The following SLC66A1 variants were observed in gnomAD, a reference collection of about 807,000 sequenced individuals.
SLC66A1 encodes the protein solute carrier family 66 member 1, also known as lysosomal amino acid transporter 1 homolog.
A neutral mutation model predicts 33.0 loss-of-function variants in SLC66A1; 23 were observed. The ratio of observed to expected loss-of-function variants is 0.70; its 90% CI spans 0.50 to 0.99. The LOEUF is 0.99. SLC66A1 is among the 50% of genes least tolerant of loss of function. SLC66A1 has a pLI of 0.00. For missense variants in SLC66A1, 335 were observed against 383.6 expected (o/e 0.87, Z 1.06); for synonymous variants, 164 against 175.5 (o/e 0.93, Z 0.52).
intron 2 of SLC66A1, among the ~76,000 whole-genome samples, chr1:19,318,435 G>A (rs902172523): frequency 6.6e-6 from 1 of 152,184 alleles, no homozygotes; most frequent in Non-Finnish European, 1.5e-5. Flanking sequence ...CTGAGCCTCA[G>A]TTTCCTTGCT....
intron 7 of SLC66A1, 178 bp downstream of exon 7, chr1:19,327,590 G>T (rs576907796): frequency 2.6e-6 from 2 of 777,274 alleles, no homozygotes; most frequent in Non-Finnish European, 4.3e-6. Context: ...CCTCCTGTGT[G>T]CCAGGCACCC....
At chr1:19,316,353 T>TTGTTTGTG (rs2093805566) in intron 1 of SLC66A1, among the ~76,000 whole-genome samples, 1 of 144,818 alleles carries the variant, frequency 6.9e-6, no homozygotes. Context: ...TCTTTATGGT[T>TTGTTTGTG]TGTGTGTGTG....
In SLC66A1 at chr1:19,318,481, T is replaced by C. The variant is rs117210352; in HGVS notation, c.164+640T>C. 3.3e-4 allele frequency among the ~76,000 whole-genome samples: 51 copies of C among 152,322 alleles called. No homozygotes were observed. In the East Asian group the frequency reaches 7.9e-3, roughly 24 times the overall value. The stretch of plus-strand genomic sequence containing the variant: ...AAATATTGTTACCTAACTAGATGGT[T>C]GCTGTGAGGATGGCATGAGGGTGTG... On this transcript the variant is annotated intron_variant, in intron 2 of 7. Transcript: ENST00000375153.
chr1:19,325,575 C>T lies in SLC66A1; in HGVS notation c.375C>T (p.Pro125=). The T allele has an allele frequency of 6.3e-7, 1 of 1,596,706 alleles. No individual in the cohort carries two copies. The highest frequency in any genetic ancestry group is 2.2e-5 in the East Asian group (1 of 44,770). The change falls in exon 4 of 8, where the codon CCC becomes CCT. Residue 125 remains proline (P), a synonymous_variant. Transcript: ENST00000375153. ...LYFYYKFRTR[P]SLLSAPINSV... is the part of the protein sequence containing the mutation. ...TTTACTACAAGTTCAGGACGCGCCC[C>T]TCTCTGTGTGAGTATGGGGACCGCT...
intron 1 of SLC66A1, 184 bp downstream of exon 1, chr1:19,313,073 G>A (rs1419963984): frequency 2.7e-6 from 1 of 374,206 alleles, no homozygotes; most frequent in African/African-American, 2.2e-5. Context: ...CCAGTGCCAG[G>A]CACCCTTGTA....
At chr1:19,330,535 G>C (rs2093889506), downstream of SLC66A1, among the ~76,000 whole-genome samples, 1 of 152,220 alleles carries the variant, frequency 6.6e-6, no homozygotes. Flanking sequence ...GAAATGAGCA[G>C]ATGAGACCAG....
intron 2 of SLC66A1, among the ~76,000 whole-genome samples, chr1:19,323,667 A>G (rs1558150426): frequency 1.3e-5 from 2 of 151,286 alleles, no homozygotes; most frequent in Non-Finnish European, 3.0e-5. Flanking sequence ...TCAACCTCCC[A>G]AAGTGTTGGG....
intron 1 of SLC66A1, among the ~76,000 whole-genome samples, chr1:19,315,836 G>A (rs1447668227): frequency 6.6e-6 from 1 of 151,888 alleles, no homozygotes. Context: ...AGGGGTGTAG[G>A]TCTGAGTCTT....
downstream of SLC66A1, among the ~76,000 whole-genome samples, chr1:19,331,022 T>A (rs1290869001): frequency 6.6e-6 from 1 of 151,950 alleles, no homozygotes; most frequent in Middle Eastern, 3.2e-3. Flanking sequence ...GAGTTTTTAT[T>A]TTTTTTTGAC....
rs2093868837 is a variant in SLC66A1, at chr1:19,326,612, A to G, written c.607A>G (p.Ile203Val). Residue 203 changes from isoleucine (I) to valine (V), a missense_variant, in exon 6 of 8, where the codon ATC becomes GTC. By Grantham distance (29) the Ile-to-Val change is conservative. Transcript: ENST00000375153. ...GTACCTGCTTTCCCGGCTGCCTCAG[A>G]TCCGCACCAACGTGAGCCTCCAGCA... ...VLYLLSRLPQIRTNFLRKSTQ... is the reference protein window; with the variant it reads ...VLYLLSRLPQVRTNFLRKSTQ... 1 of 1,614,036 alleles carries G rather than the reference A, an allele frequency of 6.2e-7. No individual in the cohort carries two copies. The highest frequency in any genetic ancestry group is 1.3e-5 in the African/African-American group (1 of 74,944).
rs1327500776 is a variant in SLC66A1, at chr1:19,328,303, A to G, written c.805-269A>G. Among the ~76,000 whole-genome samples, 2 of 152,186 alleles carry G rather than the reference A, an allele frequency of 1.3e-5. No individual in the cohort carries two copies. The highest frequency in any genetic ancestry group is 2.9e-5 in the Non-Finnish European group (2 of 68,032). ...TGAGAGCAAGCGAAGATCCTGGGCC[A>G]GGGTCAAGGGAGGCTGCCCACGGGA... is the stretch of plus-strand genomic sequence containing the variant. On this transcript the variant is annotated intron_variant, in intron 7 of 7. Coordinates refer to ENST00000375153, the MANE Select transcript of SLC66A1 (RefSeq NM_001040125.2). This position sits in a 1 kb window ranked among gnomAD's most constrained non-coding sequence, Gnocchi z 4.7.
Position 19,313,647 on chromosome 1 carries a change from A to G in SLC66A1, c.-79+758A>G, listed in dbSNP as rs1225675385. ...CCTTGAAGGGGAGCAGGACACTTCT[A>G]GGGGAAGAGATGGCACGTGCAGAAG... On this transcript the variant is annotated intron_variant, in intron 1 of 7. Coordinates refer to ENST00000375153, the MANE Select transcript of SLC66A1 (RefSeq NM_001040125.2). Among the ~76,000 whole-genome samples, 3 of 152,190 alleles carry G rather than the reference A, an allele frequency of 2.0e-5. No homozygotes were observed. In the East Asian group the frequency reaches 5.8e-4, roughly 29 times the overall value.
chr1:19,318,634 C>T (rs961998959), intron 2 of SLC66A1, among the ~76,000 whole-genome samples: 7 of 151,840 alleles, frequency 4.6e-5, no homozygotes, highest in Non-Finnish European at 7.4e-5. Flanking sequence ...TCTGCAGAGG[C>T]GGAAGAAGAT....
intron 4 of SLC66A1, 152 bp downstream of exon 4, chr1:19,325,734 C>G: frequency 1.4e-6 from 1 of 704,536 alleles, no homozygotes; most frequent in South Asian, 1.8e-5. Flanking sequence ...TATCTAAGAG[C>G]CTGAGCCTTA....
At chr1:19,324,569 C>G (rs1236249018) in intron 2 of SLC66A1, 64 bp from the exon 3 acceptor site, 31 of 1,598,602 alleles carry the variant, frequency 1.9e-5, no homozygotes, top group Non-Finnish European at 2.7e-5. Flanking sequence ...GCGGTGTCCC[C>G]TATAAGGCGG....
chr1:19,322,602 G>A (rs562760683), intron 2 of SLC66A1, among the ~76,000 whole-genome samples: 116 of 152,332 alleles, frequency 7.6e-4, no homozygotes, highest in African/African-American at 2.6e-3. Flanking sequence ...TGTTTCAAAG[G>A]AGGAAGGAGA....
downstream of SLC66A1, among the ~76,000 whole-genome samples, chr1:19,333,221 T>A (rs934586538): frequency 2.0e-5 from 3 of 152,146 alleles, no homozygotes; most frequent in African/African-American, 7.2e-5. The surrounding 1 kb of genome is among the most constrained non-coding windows in gnomAD (Gnocchi z 4.2). Context: ...TTTTTTGTTT[T>A]TGTTTTGAGA....
At chr1:19,331,925 G>A (rs981153192), downstream of SLC66A1, among the ~76,000 whole-genome samples, 6 of 152,228 alleles carry the variant, frequency 3.9e-5, no homozygotes, top group African/African-American at 1.2e-4. Flanking sequence ...CTTTCAGGCA[G>A]GAGCTATGGT....
rs34977587 is a variant in SLC66A1 at position 19,328,172 on chromosome 1, GTTT to G, written c.805-398_805-396del. ...TTCGGAGCAAGTAAACATGGCCTTTGTTTTAATATTTGTTAAGTCCCTGCCGGG... is the reference window on the plus strand; with the variant it reads ...TTCGGAGCAAGTAAACATGGCCTTTGTAATATTTGTTAAGTCCCTGCCGGG... On this transcript the variant is annotated intron_variant, in intron 7 of 7. Transcript: ENST00000375153. This position sits in a 1 kb window ranked among gnomAD's most constrained non-coding sequence, Gnocchi z 4.7. 65,554 of 328,014 alleles carry G rather than the reference GTTT, an allele frequency of 0.2. 7,185 individuals carry two copies. The highest frequency in any genetic ancestry group is 0.22 in the Admixed American group (4,750 of 21,192). The allele number at this position is 328,014 out of a possible 1,614,324, so 20.3% of individuals were successfully genotyped here.
Sources: allele counts gnomAD v4.1 joint callset (sites outside exome capture counted in the v4.1 genomes callset), GRCh38; gene constraint gnomAD v4.1.1; non-coding constraint Gnocchi (gnomAD v3.1); transcripts MANE v1.5; gene names NCBI Gene and HGNC (gene_info 2026-07-23, HGNC 2026-07-21).